Variants in B4GALNT3 observed in about 807,000 individuals in gnomAD.
B4GALNT3 encodes beta-1,4-N-acetyl-galactosaminyltransferase 3.
In B4GALNT3, 86 loss-of-function variants were observed where a neutral mutation model predicts 120.2. That is an observed-to-expected ratio of 0.72 (90% CI 0.60 to 0.86). B4GALNT3 has a LOEUF of 0.86. Ranked by LOEUF, B4GALNT3 falls within the 40% of genes least tolerant of loss-of-function variation. The pLI, the probability that B4GALNT3 is intolerant of heterozygous loss-of-function variation, is 0.00. For missense variants in B4GALNT3, 1,167 were observed against 1,298.9 expected (o/e 0.90, Z 1.56); for synonymous variants, 518 against 510.4 (o/e 1.01, Z -0.20).
intron 1 of B4GALNT3, among the ~76,000 whole-genome samples, chr12:480,390 G>A (rs1230805453): frequency 2.4e-4 from 4 of 16,456 alleles, no homozygotes; most frequent in Non-Finnish European, 6.4e-4. Flanking sequence ...CTCTGCCCCC[G>A]GACGTCAGTT....
intron 1 of B4GALNT3, among the ~76,000 whole-genome samples, chr12:492,528 C>T (rs1455119851): frequency 1.3e-5 from 2 of 152,164 alleles, no homozygotes; most frequent in African/African-American, 2.4e-5. Flanking sequence ...ATTGTCAAAA[C>T]ATTTGTTCTT....
chr12:537,795 A>G (rs966684896), intron 3 of B4GALNT3, among the ~76,000 whole-genome samples: 16 of 152,120 alleles, frequency 1.1e-4, no homozygotes, highest in African/African-American at 3.9e-4. Flanking sequence ...GGGCTAGCTC[A>G]TTGTCTTCAT....
chr12:515,213 G>A (rs1218590200), intron 1 of B4GALNT3, among the ~76,000 whole-genome samples: 1 of 152,068 alleles, frequency 6.6e-6, no homozygotes, highest in South Asian at 2.1e-4. Context: ...TTTTGAGACA[G>A]TCTCACTCTG....
intron 6 of B4GALNT3, among the ~76,000 whole-genome samples, chr12:545,951 T>A (rs1395604820): frequency 1.2e-3 from 9 of 7,392 alleles, no homozygotes; most frequent in East Asian, 2.7e-3. Flanking sequence ...AGTGGGGAGG[T>A]GCGAGGAGTG....
At chr12:552,337 C>CACACACACACACACACACACA (rs1947094313) in intron 12 of B4GALNT3, 130 bp from the exon 13 acceptor site, 1 of 873,412 alleles carries the variant, frequency 1.1e-6, no homozygotes, top group African/African-American at 1.8e-5. Flanking sequence ...ACACACACAC[C>CACACACACACACACACACACA]CGCTCACCAG....
chr12:521,231 C>T (rs1433371095), intron 1 of B4GALNT3, among the ~76,000 whole-genome samples: 1 of 152,134 alleles, frequency 6.6e-6, no homozygotes, highest in Non-Finnish European at 1.5e-5. Flanking sequence ...CCTGATGTAG[C>T]CCACCCTCCA....
chr12:471,155 G>T (rs906122852), intron 1 of B4GALNT3, among the ~76,000 whole-genome samples: 1 of 151,452 alleles, frequency 6.6e-6, no homozygotes, highest in African/African-American at 2.4e-5. Context: ...TTGGGAGGCT[G>T]AGGCAGGCAG....
At chr12:535,120 T>C (rs761342275) in intron 1 of B4GALNT3, 46 bp from the exon 2 acceptor site, 1 of 1,527,952 alleles carries the variant, frequency 6.5e-7, no homozygotes, top group Non-Finnish European at 9.0e-7. Flanking sequence ...TGTATGAGGT[T>C]TCCAGGTTAC....
chr12:477,087 A>G (rs1565588882), intron 1 of B4GALNT3, among the ~76,000 whole-genome samples: 1 of 152,190 alleles, frequency 6.6e-6, no homozygotes, highest in Non-Finnish European at 1.5e-5. Flanking sequence ...GGAGAGCTTT[A>G]ATCAACCTGC....
chr12:511,657 GAGCTTCCA>G (rs1565598113), intron 1 of B4GALNT3, among the ~76,000 whole-genome samples: 4 of 70,652 alleles, frequency 5.7e-5, no homozygotes, highest in Admixed American at 3.5e-4. Context: ...TTCCACCTTC[GAGCTTCCA>G]CCTTCCGCCT....
In B4GALNT3 at chr12:460,585, G is replaced by A; in HGVS notation, c.169+40G>A. On this transcript the variant is annotated intron_variant, in intron 1 of 19. Transcript: ENST00000266383. The surrounding 1 kb of genome is among the most constrained non-coding windows in gnomAD (Gnocchi z 8.0). ...GGGGAGGCGAAGGGCGCGGGGGTGGGCGGCGGCGGCGGCTCCTGCGTTGGG... is the reference window on the plus strand; with the variant it reads ...GGGGAGGCGAAGGGCGCGGGGGTGGACGGCGGCGGCGGCTCCTGCGTTGGG... The A allele has an allele frequency of 7.7e-7, 1 of 1,296,522 alleles. No homozygotes were observed. The highest frequency in any genetic ancestry group is 3.2e-5 in the East Asian group (1 of 31,422). The allele number at this position is 1,296,522 out of a possible 1,614,324, so 80.3% of individuals were successfully genotyped here.
At chr12:557,526 C>G (rs1191998011) in intron 15 of B4GALNT3, 82 bp from the exon 16 acceptor site, 1 of 1,468,878 alleles carries the variant, frequency 6.8e-7, no homozygotes, top group South Asian at 1.3e-5. Context: ...CCTGACTCAC[C>G]TGGGAGCTGG....
intron 3 of B4GALNT3, among the ~76,000 whole-genome samples, chr12:541,389 C>T (rs896938193): frequency 2.6e-5 from 4 of 152,246 alleles, no homozygotes; most frequent in Non-Finnish European, 5.9e-5. Flanking sequence ...CATAGACATG[C>T]TCTGGTGCTT....
intron 5 of B4GALNT3, 144 bp from the exon 6 acceptor site, chr12:545,225 A>G: frequency 6.9e-7 from 1 of 1,458,124 alleles, no homozygotes; most frequent in Non-Finnish European, 9.1e-7. Flanking sequence ...GTCTCCCAGG[A>G]TGTAGAAACC....
chr12:481,907 G>A (rs1157690143), intron 1 of B4GALNT3, among the ~76,000 whole-genome samples: 3 of 152,026 alleles, frequency 2.0e-5, no homozygotes. Context: ...TTTCTAGGTG[G>A]CTTTGTAGAC....
intron 7 of B4GALNT3, 111 bp from the exon 8 acceptor site, chr12:547,913 A>T: frequency 1.1e-6 from 1 of 891,866 alleles, no homozygotes; most frequent in Middle Eastern, 3.0e-4. Flanking sequence ...GCATTCTAAG[A>T]GCAAGGAGAA....
intron 1 of B4GALNT3, among the ~76,000 whole-genome samples, chr12:515,097 G>A (rs1271956543): frequency 6.6e-6 from 1 of 152,184 alleles, no homozygotes; most frequent in Non-Finnish European, 1.5e-5. Context: ...TAGCCATGTG[G>A]CAAGTTACTT....
chr12:560,727 G>T (rs1301936011), intron 19 of B4GALNT3, among the ~76,000 whole-genome samples: 1 of 152,204 alleles, frequency 6.6e-6, no homozygotes, highest in Non-Finnish European at 1.5e-5. Context: ...CTGGGCTTTT[G>T]CTGCCATGCA....
chr12:465,897 G>A (rs941219605), intron 1 of B4GALNT3, among the ~76,000 whole-genome samples: 2 of 149,128 alleles, frequency 1.3e-5, no homozygotes, highest in Admixed American at 1.3e-4. Flanking sequence ...TGTCCTGGGG[G>A]TTGAGGTCCC....
Sources: gnomAD v4.1 joint callset for allele counts (sites outside exome capture counted in the v4.1 genomes callset) on GRCh38, gnomAD v4.1.1 for gene constraint, Gnocchi (gnomAD v3.1) non-coding constraint, MANE v1.5 for transcripts, NCBI Gene and HGNC (gene_info 2026-07-23, HGNC 2026-07-21) for gene names.